ERCC6: variants seen among roughly 807,000 people sequenced by gnomAD.
ERCC6 encodes DNA excision repair protein ERCC-6.
A neutral mutation model predicts 158.7 loss-of-function variants in ERCC6; 116 were observed. That is an observed-to-expected ratio of 0.73 (90% CI 0.63 to 0.85). ERCC6 has a LOEUF of 0.85. Ranked by LOEUF, ERCC6 falls within the 40% of genes least tolerant of loss-of-function variation. The pLI, the probability that ERCC6 is intolerant of heterozygous loss-of-function variation, is 0.00. For missense variants in ERCC6, 1,698 were observed against 1,799.4 expected (o/e 0.94, Z 1.02); for synonymous variants, 678 against 659.3 (o/e 1.03, Z -0.43).
the ERCC6 span, among the ~76,000 whole-genome samples, chr10:49,435,015 TAATC>T: frequency 2.0e-5 from 3 of 152,294 alleles, no homozygotes; most frequent in African/African-American, 7.2e-5. Context: ...AGGCAAATAT[TAATC>T]AAAAGAGAAC....
chr10:49,494,658 A>T (rs1263049978), intron 7 of ERCC6, among the ~76,000 whole-genome samples: 1 of 152,136 alleles, frequency 6.6e-6, no homozygotes, highest in Non-Finnish European at 1.5e-5. Flanking sequence ...CTGTCAGTGC[A>T]TGGTACTCCC....
intron 18 of ERCC6, among the ~76,000 whole-genome samples, chr10:49,463,012 T>C (rs1199648746): frequency 6.6e-6 from 1 of 152,184 alleles, no homozygotes; most frequent in Non-Finnish European, 1.5e-5. Flanking sequence ...AAAGAAGCTA[T>C]AAAAAATCTA....
chr10:49,532,197 A>C (rs1837484621), intron 2 of ERCC6, among the ~76,000 whole-genome samples: 1 of 152,208 alleles, frequency 6.6e-6, no homozygotes, highest in South Asian at 2.1e-4. Flanking sequence ...AAGGGGGCGC[A>C]ATGTATTCCT....
rs1464198195 is a variant in ERCC6, at chr10:49,473,539, G to A, written c.2647C>T (p.Leu883Phe). 10 of 1,613,250 alleles carry A rather than the reference G, an allele frequency of 6.2e-6. No homozygotes were observed. In the East Asian group the frequency reaches 8.9e-5, roughly 14 times the overall value. The change falls in exon 14 of 21, where the codon CTC (leucine) becomes TTC (phenylalanine). Residue 883 changes from leucine (L) to phenylalanine (F), a missense_variant. Physicochemically the swap from Leu to Phe is conservative, Grantham distance 22 (BLOSUM62 0). Coordinates refer to ENST00000355832, the MANE Select transcript of ERCC6 (RefSeq NM_000124.4). ...VFLRAQKYTY[L>F]KMDGTTTIAS... ...ATTGTAGTGGTACCATCCATCTTGA[G>A]ATAGGTATACTTTTGGGCTCTAAGG...
chr10:49,514,000 A>C (rs139446199), intron 5 of ERCC6, among the ~76,000 whole-genome samples: 42 of 152,284 alleles, frequency 2.8e-4, no homozygotes, highest in African/African-American at 8.9e-4. Context: ...TGTCTTCAAA[A>C]AAGTATTTTC....
At position 49,482,774 on chromosome 10, in the gene ERCC6, C is replaced by T. The variant is rs35182583; in HGVS notation, c.2082G>A (p.Pro694=). 2,450 of 1,613,466 alleles carry T rather than the reference C, an allele frequency of 1.5e-3. 32 individuals carry two copies. The African/African-American group carries it at 0.028, about 19-fold the overall frequency. The change falls in exon 10 of 21, where the codon CCG becomes CCA. Residue 694 remains proline, a synonymous_variant. Transcript: ENST00000355832. The part of the protein sequence containing the change: ...ELWSLFDFIF[P]GKLGTLPVFM... ...ACACAGGCAACGTGCCTAACTTTCC[C>T]GGGAAGATGAAGTCAAAGAGCGACC...
rs780575154 is a variant in ERCC6, at chr10:49,461,447, T to G, written c.3888A>C (p.Ala1296=). The G allele has an allele frequency of 6.2e-7, 1 of 1,614,226 alleles. No homozygotes were observed. Among genetic ancestry groups the G allele is most frequent in the South Asian group, 1.1e-5 (1 of 91,084 alleles). Residue 1296 remains alanine (A), a synonymous_variant, in exon 19 of 21, where the codon GCA becomes GCC. Transcript: ENST00000355832. ...GACACCGCTGACGAGAGAGCCTCAGTGCTTTCAGGGCATCCTGGGCCACTC... is the reference window on the plus strand; with the variant it reads ...GACACCGCTGACGAGAGAGCCTCAGGGCTTTCAGGGCATCCTGGGCCACTC... The part of the protein sequence containing the change: ...ANRVAQDALK[A]LRLSRQRCLG...
chr10:49,491,652 G>A (rs915894865), intron 8 of ERCC6, among the ~76,000 whole-genome samples: 1 of 152,176 alleles, frequency 6.6e-6, no homozygotes, highest in Non-Finnish European at 1.5e-5. Flanking sequence ...TGGTTTACAC[G>A]AAGGCAGTTC....
intron 18 of ERCC6, among the ~76,000 whole-genome samples, chr10:49,462,263 A>T (rs1850596896): frequency 2.0e-5 from 3 of 152,196 alleles, no homozygotes; most frequent in Admixed American, 1.3e-4. Context: ...CTAATCACTG[A>T]GAAAAACTTA....
Position 49,458,778 on chromosome 10 carries a change from A to G in ERCC6, c.*37T>C, listed in dbSNP as rs778203287. The G allele has an allele frequency of 3.1e-6, 5 of 1,601,544 alleles. No homozygotes were observed. The East Asian group carries it at 8.9e-5, about 29-fold the overall frequency. On this transcript the variant is annotated 3_prime_UTR_variant, in exon 21 of 21. Coordinates refer to ENST00000355832, the MANE Select transcript of ERCC6 (RefSeq NM_000124.4). ...AAATTAATAATCAGAAATGCCCGTT[A>G]GAAAAAGGGACTTGAAAGTTTAGGA...
intron 18 of ERCC6, among the ~76,000 whole-genome samples, chr10:49,467,903 T>C (rs990598186): frequency 1.3e-5 from 2 of 152,126 alleles, no homozygotes; most frequent in African/African-American, 4.8e-5. Flanking sequence ...ATTGTGAATT[T>C]CATCTTGTTG....
Position 49,462,775 on chromosome 10 carries a change from C to G in ERCC6, c.3779-1219G>C, listed in dbSNP as rs188254765. On this transcript the variant is annotated intron_variant, in intron 18 of 20. Transcript: ENST00000355832. ...AACTGGAAATTAAAACTTAAGATAT[C>G]CTTTCTCACCTATCAGATTGGGAAA... is the stretch of plus-strand genomic sequence containing the variant. Among the ~76,000 whole-genome samples, 8 of 152,288 alleles carry G rather than the reference C, an allele frequency of 5.3e-5. No homozygotes were observed. The East Asian group carries it at 1.5e-3, about 29-fold the overall frequency.
rs1850831419 is a variant in ERCC6, at chr10:49,474,055, C to T, written c.2570G>A (p.Arg857Gln). ...CCTTGACTGAGAAAACAGCAATACT[C>T]GCTGACCCTGCTTGTGCCATATTTT... ...LLKIWHKQGQ[R>Q]VLLFSQSRQM... The change falls in exon 13 of 21, where the codon CGA (arginine) becomes CAA (glutamine). Residue 857 changes from arginine (R) to glutamine (Q), a missense_variant. Coordinates refer to ENST00000355832, the MANE Select transcript of ERCC6 (RefSeq NM_000124.4). 4 of 1,614,060 alleles carry T rather than the reference C, an allele frequency of 2.5e-6. No individual in the cohort carries two copies. Among genetic ancestry groups the T allele is most frequent in the Middle Eastern group, 1.6e-4 (1 of 6,062 alleles).
intron 18 of ERCC6, among the ~76,000 whole-genome samples, chr10:49,467,737 T>G (rs1171621474): frequency 6.6e-6 from 1 of 151,954 alleles, no homozygotes. Flanking sequence ...GGCTATTTTT[T>G]TTTTTATTTT....
At chr10:49,523,974 A>G in intron 5 of ERCC6, 59 bp downstream of exon 5, 1 of 1,603,130 alleles carries the variant, frequency 6.2e-7, no homozygotes, top group Non-Finnish European at 8.5e-7. Context: ...CATATTAATA[A>G]ACCTGTCACC....
At chr10:49,478,316 G>A (rs1413066490) in intron 11 of ERCC6, 38 bp downstream of exon 11, 1 of 1,274,088 alleles carries the variant, frequency 7.8e-7, no homozygotes, top group Admixed American at 1.7e-5. Context: ...ACACACTTGT[G>A]CTTTAGGAAT....
chr10:49,510,538 G>A (rs1015333588), intron 5 of ERCC6, among the ~76,000 whole-genome samples: 8 of 152,110 alleles, frequency 5.3e-5, no homozygotes, highest in Non-Finnish European at 1.5e-5. Context: ...CCAATCCCGT[G>A]ACATCTTGGA....
intron 8 of ERCC6, among the ~76,000 whole-genome samples, chr10:49,487,796 T>C (rs1205349653): frequency 6.6e-6 from 1 of 152,178 alleles, no homozygotes; most frequent in Non-Finnish European, 1.5e-5. Context: ...ATGTTAGCTA[T>C]AGAAATACAA....
rs766459533 is a variant in ERCC6, at chr10:49,471,055, T to C, written c.2990A>G (p.Lys997Arg). 3 of 1,614,106 alleles carry C rather than the reference T, an allele frequency of 1.9e-6. No individual in the cohort carries two copies. The highest frequency in any genetic ancestry group is 2.5e-6 in the Non-Finnish European group (3 of 1,180,000). ...LKDPKQRRFF[K>R]SNDLYELFTL... is the part of the protein sequence containing the mutation. Reference sequence around the variant, plus strand: ...AAATAGCTCATAGAGATCATTGGATTTGAAAAACCGCCTTTGTTTTGGGTC... The same window carrying C: ...AAATAGCTCATAGAGATCATTGGATCTGAAAAACCGCCTTTGTTTTGGGTC... Residue 997 changes from lysine to arginine, a missense_variant, in exon 17 of 21, where the codon AAA becomes AGA. By Grantham distance (26) the Lys-to-Arg change is conservative. Transcript: ENST00000355832.
Sources: gnomAD v4.1 joint callset for allele counts (sites outside exome capture counted in the v4.1 genomes callset) on GRCh38, gnomAD v4.1.1 for gene constraint, MANE v1.5 for transcripts, NCBI Gene and HGNC (gene_info 2026-07-23, HGNC 2026-07-21) for gene names.